PIP5K1C: variants seen among roughly 807,000 people sequenced by gnomAD.
PIP5K1C encodes the protein phosphatidylinositol 4-phosphate 5-kinase type-1 gamma.
In PIP5K1C, 45 loss-of-function variants were observed where a neutral mutation model predicts 80.1. That is an observed-to-expected ratio of 0.56 (90% CI 0.44 to 0.72). PIP5K1C has a LOEUF of 0.72. Among genes scored for constraint, PIP5K1C ranks in the 30% least tolerant of loss-of-function variants. The pLI is 0.00. For missense variants in PIP5K1C, 753 were observed against 954.6 expected, an observed-to-expected ratio of 0.79 and a Z score of 2.78; for synonymous variants, 498 against 420.1, an observed-to-expected ratio of 1.19 and a Z score of -2.27.
At position 3,651,876 on chromosome 19, in the gene PIP5K1C, C is replaced by T. The variant is rs1033808057; in HGVS notation, c.1077G>A (p.Glu359=). The T allele has an allele frequency of 7.4e-6, 12 of 1,612,768 alleles. No homozygotes were observed. The highest frequency in any genetic ancestry group is 1.0e-5 in the Non-Finnish European group (12 of 1,179,930). Residue 359 remains glutamate (E), a synonymous_variant, in exon 8 of 18, where the codon GAG becomes GAA. Coordinates refer to ENST00000335312, the MANE Select transcript of PIP5K1C (RefSeq NM_012398.3). The part of the protein sequence containing the change: ...GQKALYSTAM[E]SIQGGAARGE... ...CGCGCGCGGCGCCACCCTGGATGGA[C>T]TCCATGGCCGTGGAGTAGAGCGCCT... is the stretch of plus-strand genomic sequence containing the variant.
rs1023289182 is a variant in PIP5K1C at position 3,647,398 on chromosome 19, G to C, written c.1212-12C>G. The C allele has an allele frequency of 6.3e-7, 1 of 1,577,116 alleles. No individual in the cohort carries two copies. The highest frequency in any genetic ancestry group is 8.6e-7 in the Non-Finnish European group (1 of 1,160,576). On this transcript the variant is annotated splice_polypyrimidine_tract_variant and intron_variant, in intron 9 of 17. Transcript: ENST00000335312. ...GTTTCTTGATGAACCTGTGGAGAGA[G>C]CACCCGGAGTGGCAGCTGACATCAG...
intron 1 of PIP5K1C, among the ~76,000 whole-genome samples, chr19:3,675,898 G>C (rs1415052273): frequency 6.6e-6 from 1 of 152,206 alleles, no homozygotes; most frequent in Non-Finnish European, 1.5e-5. Context: ...GTGTCCCCAG[G>C]GGGGCAGGAT....
At chr19:3,691,645 G>A (rs2035955126) in intron 1 of PIP5K1C, among the ~76,000 whole-genome samples, 2 of 142,038 alleles carry the variant, frequency 1.4e-5, no homozygotes, top group Non-Finnish European at 3.0e-5. Flanking sequence ...TGTAACACAA[G>A]AGCTTTTCAA....
intron 2 of PIP5K1C, 92 bp downstream of exon 2, chr19:3,667,226 TAGTG>T (rs2035041880): frequency 1.9e-6 from 2 of 1,053,344 alleles, no homozygotes; most frequent in Non-Finnish European, 2.9e-6. Context: ...CAGAGAGGTG[TAGTG>T]AGCTGCCCCA....
chr19:3,683,675 G>C (rs111551055), intron 1 of PIP5K1C, among the ~76,000 whole-genome samples: 5 of 152,204 alleles, frequency 3.3e-5, no homozygotes, highest in Admixed American at 6.5e-5. Flanking sequence ...TCAGGCCCCA[G>C]TCTGCGTCAC....
At chr19:3,664,028 G>A (rs932058024) in intron 3 of PIP5K1C, among the ~76,000 whole-genome samples, 6 of 152,204 alleles carry the variant, frequency 3.9e-5, no homozygotes, top group Non-Finnish European at 7.3e-5. Context: ...ACCAGAACAC[G>A]ACTCAGCCAT....
At chr19:3,686,941 C>T (rs1267158755) in intron 1 of PIP5K1C, among the ~76,000 whole-genome samples, 1 of 151,976 alleles carries the variant, frequency 6.6e-6, no homozygotes, top group Non-Finnish European at 1.5e-5. Flanking sequence ...ACCGGTAATC[C>T]CAGCACTTTG....
intron 1 of PIP5K1C, among the ~76,000 whole-genome samples, chr19:3,680,970 G>A (rs2035571832): frequency 6.6e-6 from 1 of 152,188 alleles, no homozygotes; most frequent in Non-Finnish European, 1.5e-5. Flanking sequence ...CCCCTGCAGT[G>A]CCCAGGATGG....
rs1188956676 is a variant in PIP5K1C, at chr19:3,675,500, T to C, written c.95-8147A>G. 3.9e-5 allele frequency among the ~76,000 whole-genome samples: 6 copies of C among 152,304 alleles called. No homozygotes were observed. In the South Asian group the frequency reaches 1.0e-3, roughly 26 times the overall value. ...TTCAACCTTTCTTTTCTCTCCATCA[T>C]GGACCAAGGCTTTTGTGAAACGCAG... On this transcript the variant is annotated intron_variant, in intron 1 of 17. Transcript: ENST00000335312.
At chr19:3,635,377 T>A (rs201180680) in intron 16 of PIP5K1C, among the ~76,000 whole-genome samples, 1 of 152,084 alleles carries the variant, frequency 6.6e-6, no homozygotes, top group East Asian at 1.9e-4. Flanking sequence ...CGAAACCCTA[T>A]CTCTACTAAA....
intron 2 of PIP5K1C, among the ~76,000 whole-genome samples, chr19:3,667,007 C>G (rs1309192587): frequency 6.6e-6 from 1 of 151,896 alleles, no homozygotes; most frequent in African/African-American, 2.4e-5. Flanking sequence ...CCGCCCACCC[C>G]CCAGAATCCA....
Position 3,637,169 on chromosome 19 carries a change from G to A in PIP5K1C, c.1920+1715C>T, listed in dbSNP as rs184585210. On this transcript the variant is annotated intron_variant, in intron 16 of 17. Coordinates refer to ENST00000335312, the MANE Select transcript of PIP5K1C (RefSeq NM_012398.3). This position sits in a 1 kb window ranked among gnomAD's most constrained non-coding sequence, Gnocchi z 7.0. Reference sequence around the variant, plus strand: ...GGGCCACGGGCAGCCAGGTCTGCACGAGTGAGAAGCGTCCACCCAAGACAC... The same window carrying A: ...GGGCCACGGGCAGCCAGGTCTGCACAAGTGAGAAGCGTCCACCCAAGACAC... 1,241 of 1,419,172 alleles carry A rather than the reference G, an allele frequency of 8.7e-4. 2 individuals carry two copies. Among genetic ancestry groups the A allele is most frequent in the South Asian group, 3.4e-3 (230 of 66,692 alleles). The allele number at this position is 1,419,172 out of a possible 1,614,324, so 87.9% of individuals were successfully genotyped here.
Position 3,635,458 on chromosome 19 carries a change from C to A in PIP5K1C, c.1921-1938G>T, listed in dbSNP as rs577704629. ...CAGAACTTTGGGAGGCCGAGGTGGG[C>A]AGATACCTGAGGTCAGGAGTTCGAG... On this transcript the variant is annotated intron_variant, in intron 16 of 17. Transcript: ENST00000335312. 2.0e-5 allele frequency among the ~76,000 whole-genome samples: 3 copies of A among 152,104 alleles called. No individual in the cohort carries two copies. The East Asian group carries it at 5.8e-4, about 29-fold the overall frequency.
chr19:3,638,822 G>C, intron 16 of PIP5K1C, 62 bp downstream of exon 16: 2 of 1,591,766 alleles, frequency 1.3e-6, no homozygotes, highest in South Asian at 2.2e-5. Context: ...GCACACGGTG[G>C]AGCGTGTGTG....
rs1024063439 is a variant in PIP5K1C, at chr19:3,652,621, G to A, written c.922-590C>T. Among the ~76,000 whole-genome samples the A allele has an allele frequency of 4.6e-5, 7 of 152,334 alleles. No homozygotes were observed. In the East Asian group the frequency reaches 5.8e-4, roughly 13 times the overall value. The stretch of plus-strand genomic sequence containing the variant: ...GAAGCTGCCGGGGTGGGACGGGGAC[G>A]ACGGAGCTAACCCAGGCAGAGGAAG... On this transcript the variant is annotated intron_variant, in intron 7 of 17. Transcript: ENST00000335312.
chr19:3,643,478 G>A (rs1321049914), intron 12 of PIP5K1C, 97 bp from the exon 13 acceptor site: 21 of 1,450,116 alleles, frequency 1.4e-5, no homozygotes, highest in East Asian at 4.7e-5. Flanking sequence ...GGAACCCACA[G>A]CCCAGTGCCC....
chr19:3,678,860 G>A (rs1416350967), intron 1 of PIP5K1C, among the ~76,000 whole-genome samples: 15 of 143,800 alleles, frequency 1.0e-4, no homozygotes, highest in Non-Finnish European at 1.2e-4. Context: ...ATGGAGGGAT[G>A]GCGGGATGGC....
intron 3 of PIP5K1C, among the ~76,000 whole-genome samples, chr19:3,662,251 G>A (rs1158238516): frequency 1.3e-5 from 2 of 152,222 alleles, no homozygotes; most frequent in Non-Finnish European, 2.9e-5. Context: ...GCCGCACCAC[G>A]TCACTCAGCC....
chr19:3,692,161 T>C lies in PIP5K1C; in HGVS notation c.94+8136A>G, dbSNP rs776475490. ...TGACTCATCTAATCCTCAAGGGACA[T>C]TGCTTTCCAAATGAGGAAACTGAGG... On this transcript the variant is annotated intron_variant, in intron 1 of 17. Coordinates refer to ENST00000335312, the MANE Select transcript of PIP5K1C (RefSeq NM_012398.3). The surrounding 1 kb of genome is among the most constrained non-coding windows in gnomAD (Gnocchi z 5.2). Among the ~76,000 whole-genome samples, 34 of 152,184 alleles carry C rather than the reference T, an allele frequency of 2.2e-4. No homozygotes were observed. The highest frequency in any genetic ancestry group is 7.7e-4 in the African/African-American group (32 of 41,434).
Sources: gnomAD v4.1 joint callset for allele counts (sites outside exome capture counted in the v4.1 genomes callset) on GRCh38, gnomAD v4.1.1 for gene constraint, Gnocchi (gnomAD v3.1) non-coding constraint, MANE v1.5 for transcripts, NCBI Gene and HGNC (gene_info 2026-07-23, HGNC 2026-07-21) for gene names.